Variants in ADAMTS14 observed in about 807,000 individuals in gnomAD.
ADAMTS14 encodes the protein A disintegrin and metalloproteinase with thrombospondin motifs 14.
In ADAMTS14, 100 loss-of-function variants were observed where a neutral mutation model predicts 128.6. The ratio of observed to expected loss-of-function variants is 0.78; its 90% CI spans 0.66 to 0.92. ADAMTS14 has a LOEUF of 0.92. Among genes scored for constraint, ADAMTS14 ranks in the 40% least tolerant of loss-of-function variants. The pLI is 0.00. For synonymous variants in ADAMTS14, 665 were observed against 653.8 expected (o/e 1.02, Z -0.26); for missense variants, 1,562 against 1,658.6 (o/e 0.94, Z 1.01).
intron 8 of ADAMTS14, among the ~76,000 whole-genome samples, chr10:70,734,289 T>C (rs554924538): frequency 1.3e-5 from 2 of 152,288 alleles, no homozygotes; most frequent in South Asian, 4.1e-4. Context: ...TCATGGAAGA[T>C]GGTAAGTTAG....
intron 2 of ADAMTS14, 117 bp downstream of exon 2, chr10:70,675,112 C>T (rs1025076597): frequency 7.8e-7 from 1 of 1,286,370 alleles, no homozygotes; most frequent in Non-Finnish European, 1.1e-6. Context: ...GTGGTGCTGC[C>T]TTCCAGAGGG....
chr10:70,760,607 C>G lies in ADAMTS14; in HGVS notation c.3426C>G (p.Asp1142Glu). 6.2e-7 allele frequency: 1 copy of G among 1,614,078 alleles called. No individual in the cohort carries two copies. Among genetic ancestry groups the G allele is most frequent in the Middle Eastern group, 1.6e-4 (1 of 6,062 alleles). The change falls in exon 22 of 22, where the codon GAC becomes GAG. Residue 1142 changes from aspartate (D) to glutamate (E), a missense_variant. Transcript: ENST00000373207. The part of the protein sequence containing the change: ...EPPGKPTGSE[D>E]HQHGRATQLP... ...CTGGAAAGCCAACGGGATCAGAGGACCATCAGCATGGCCGAGCCACACAGC... is the reference window on the plus strand; with the variant it reads ...CTGGAAAGCCAACGGGATCAGAGGAGCATCAGCATGGCCGAGCCACACAGC...
chr10:70,716,782 G>A (rs1841064946), intron 4 of ADAMTS14, among the ~76,000 whole-genome samples: 1 of 152,184 alleles, frequency 6.6e-6, no homozygotes, highest in African/African-American at 2.4e-5. Context: ...TCTCAACCCA[G>A]GGAGGAGGGG....
chr10:70,749,639 G>GCA (rs1842289797), intron 15 of ADAMTS14, among the ~76,000 whole-genome samples, 183 bp from the exon 16 acceptor site: 9 of 149,596 alleles, frequency 6.0e-5, no homozygotes, highest in Non-Finnish European at 1.2e-4. Context: ...GTGTGTGTGC[G>GCA]CGCACGTGGG....
intron 4 of ADAMTS14, among the ~76,000 whole-genome samples, chr10:70,723,954 C>G (rs1234415790): frequency 6.6e-6 from 1 of 152,190 alleles, no homozygotes; most frequent in Non-Finnish European, 1.5e-5. Context: ...AGCTGCGTGG[C>G]CTTGGGCAAG....
At chr10:70,746,137 A>G (rs1414173492) in intron 15 of ADAMTS14, among the ~76,000 whole-genome samples, 1 of 152,190 alleles carries the variant, frequency 6.6e-6, no homozygotes, top group Non-Finnish European at 1.5e-5. Context: ...AGTCTACCAC[A>G]CAGGCCCTTA....
chr10:70,675,110 G>A (rs780648554), intron 2 of ADAMTS14, 115 bp downstream of exon 2: 88 of 1,292,920 alleles, frequency 6.8e-5, no homozygotes, highest in Non-Finnish European at 9.0e-5. Context: ...GGGTGGTGCT[G>A]CCTTCCAGAG....
At chr10:70,707,914 T>C (rs1370446068) in intron 3 of ADAMTS14, among the ~76,000 whole-genome samples, 1 of 152,256 alleles carries the variant, frequency 6.6e-6, no homozygotes, top group African/African-American at 2.4e-5. Flanking sequence ...CAGAATCGAA[T>C]GGTTGTGACC....
rs948008004 is a variant in ADAMTS14, at chr10:70,729,181, C to T, written c.871-113C>T. ...TCTGTAAAGTAGGATAAGTATCTTGCCTGATAAGGTCACGGTGGGGATACC... is the reference window on the plus strand; with the variant it reads ...TCTGTAAAGTAGGATAAGTATCTTGTCTGATAAGGTCACGGTGGGGATACC... On this transcript the variant is annotated intron_variant, in intron 4 of 21. Transcript: ENST00000373207. The T allele has an allele frequency of 7.9e-6, 7 of 888,884 alleles. No homozygotes were observed. In the Admixed American group the frequency reaches 1.4e-4, roughly 17 times the overall value. The allele number at this position is 888,884 out of a possible 1,614,324, so 55.1% of individuals were successfully genotyped here.
rs865844160 is a variant in ADAMTS14, at chr10:70,753,802, G to T, written c.2732G>T (p.Trp911Leu). The change falls in exon 19 of 22, where the codon TGG becomes TTG. Residue 911 changes from tryptophan to leucine, a missense_variant and splice_region_variant. By Grantham distance (61) the Trp-to-Leu change is moderately conservative. Transcript: ENST00000373207. ...CTCTCCTTTCACCCTGTTTCCAGGT[G>T]GGTGACGGAGGAGTGGGGTGCCTGC... is the stretch of plus-strand genomic sequence containing the variant. ...CNQHPCSQPV[W>L]VTEEWGACSR... 6 of 1,572,930 alleles carry T rather than the reference G, an allele frequency of 3.8e-6. No individual in the cohort carries two copies. Among genetic ancestry groups the T allele is most frequent in the East Asian group, 2.3e-5 (1 of 43,600 alleles).
At position 70,730,094 on chromosome 10, in the gene ADAMTS14, C is replaced by T; in HGVS notation, c.955-8C>T. The T allele has an allele frequency of 6.3e-7, 1 of 1,587,798 alleles. No individual in the cohort carries two copies. Among genetic ancestry groups the T allele is most frequent in the Non-Finnish European group, 8.6e-7 (1 of 1,167,748 alleles). On this transcript the variant is annotated splice_polypyrimidine_tract_variant and splice_region_variant and intron_variant, in intron 5 of 21. Transcript: ENST00000373207. ...ACGTGGCTGTTGGTGCTCTCCCGGC[C>T]CCTGCAGTCCCTGAGCCTGATCGAG...
At position 70,760,829 on chromosome 10, in the gene ADAMTS14, C is replaced by T. The variant is rs200606378; in HGVS notation, c.3648C>T (p.Leu1216=). The T allele has an allele frequency of 8.8e-6, 14 of 1,582,474 alleles. No individual in the cohort carries two copies. Among genetic ancestry groups the T allele is most frequent in the Middle Eastern group, 1.7e-4 (1 of 5,924 alleles). ...GEDLRHPGTS[L]PAASPVT is the part of the protein sequence containing the mutation. ...ACCTGAGACATCCCGGCACCAGCCTCCCTGCTGCCTCCCCGGTGACATGAG... is the reference window on the plus strand; with the variant it reads ...ACCTGAGACATCCCGGCACCAGCCTTCCTGCTGCCTCCCCGGTGACATGAG... Residue 1216 remains leucine (L), a synonymous_variant, in exon 22 of 22, where the codon CTC becomes CTT. Coordinates refer to ENST00000373207, the MANE Select transcript of ADAMTS14 (RefSeq NM_080722.4).
Position 70,761,076 on chromosome 10 carries a change from C to A in ADAMTS14, c.*223C>A. 1.5e-6 allele frequency: 1 copy of A among 646,898 alleles called. No individual in the cohort carries two copies. The highest frequency in any genetic ancestry group is 2.4e-6 in the Non-Finnish European group (1 of 416,152). 40.1% of individuals were successfully genotyped at this position (646,898 alleles called of 1,614,324 possible). A position where few individuals can be genotyped will look rare whatever the true frequency, so the allele number is the denominator to read the frequency against. On this transcript the variant is annotated 3_prime_UTR_variant, in exon 22 of 22. Transcript: ENST00000373207. Reference sequence around the variant, plus strand: ...AATCGGAGATACCTCAGCAAGCTGCCCCCGGCGGGACTGACCCTCTCAGGG... The same window carrying A: ...AATCGGAGATACCTCAGCAAGCTGCACCCGGCGGGACTGACCCTCTCAGGG...
intron 2 of ADAMTS14, among the ~76,000 whole-genome samples, chr10:70,690,108 G>A (rs1160876671): frequency 1.4e-5 from 2 of 144,646 alleles, no homozygotes; most frequent in Admixed American, 1.4e-4. Flanking sequence ...TCTGATGAAT[G>A]AATGAGTGAA....
intron 2 of ADAMTS14, among the ~76,000 whole-genome samples, chr10:70,689,458 A>G (rs1345387): frequency 0.65 from 93,949 of 143,884 alleles, 35,309 homozygotes; most frequent in East Asian, 0.86. Context: ...GAGCTGGGTG[A>G]AAGGGGCATT....
intron 2 of ADAMTS14, among the ~76,000 whole-genome samples, chr10:70,681,472 C>T (rs10999467): frequency 0.23 from 34,434 of 152,130 alleles, 4,169 homozygotes; most frequent in Middle Eastern, 0.32. Context: ...CACCATGGAG[C>T]TTGGCCTTAC....
rs1842619563 is a variant in ADAMTS14 at position 70,761,816 on chromosome 10, T to C, written c.*963T>C. ...CTCCTGCTGGAGTCGGACATCTTCA[T>C]CTTCTACCTGGCTCAAGCTGGGCCA... On this transcript the variant is annotated 3_prime_UTR_variant, in exon 22 of 22. Coordinates refer to ENST00000373207, the MANE Select transcript of ADAMTS14 (RefSeq NM_080722.4). The C allele has an allele frequency of 6.6e-6, 1 of 152,252 alleles. No individual in the cohort carries two copies. The highest frequency in any genetic ancestry group is 2.4e-5 in the African/African-American group (1 of 41,454). The allele number at this position is 152,252 out of a possible 1,614,324, so 9.4% of individuals were successfully genotyped here.
chr10:70,723,315 T>C (rs1841328655), intron 4 of ADAMTS14, among the ~76,000 whole-genome samples: 1 of 152,132 alleles, frequency 6.6e-6, no homozygotes, highest in African/African-American at 2.4e-5. Flanking sequence ...GAAGTTTAAA[T>C]GGAATGTGGC....
At chr10:70,719,897 G>A (rs1841198640) in intron 4 of ADAMTS14, among the ~76,000 whole-genome samples, 1 of 152,250 alleles carries the variant, frequency 6.6e-6, no homozygotes, top group Admixed American at 6.5e-5. Flanking sequence ...ACGTGGCAGA[G>A]CTCGACCTTC....
Sources: gnomAD v4.1 joint callset for allele counts (sites outside exome capture counted in the v4.1 genomes callset) on GRCh38, gnomAD v4.1.1 for gene constraint, MANE v1.5 for transcripts, NCBI Gene and HGNC (gene_info 2026-07-23, HGNC 2026-07-21) for gene names.